ITSN1: variants seen among roughly 807,000 people sequenced by gnomAD.
ITSN1 encodes the protein intersectin-1.
ITSN1 carries 58 observed loss-of-function variants against 239.8 expected under a neutral mutation model. That is an observed-to-expected ratio of 0.24 (90% confidence interval 0.20 to 0.30). ITSN1 has a LOEUF of 0.30. ITSN1 is among the 10% of genes least tolerant of loss of function. The pLI is 1.00. For missense variants in ITSN1, 1,558 were observed against 2,103.3 expected, an observed-to-expected ratio of 0.74 and a Z score of 5.07; for synonymous variants, 780 against 770.8, an observed-to-expected ratio of 1.01 and a Z score of -0.20.
At chr21:33,733,859 A>T (rs2066336657) in intron 4 of ITSN1, among the ~76,000 whole-genome samples, 1 of 152,138 alleles carries the variant, frequency 6.6e-6, no homozygotes, top group African/African-American at 2.4e-5. Context: ...TATGATCCTT[A>T]TTTTCTAAAA....
Position 33,797,250 on chromosome 21 carries a change from A to G in ITSN1, c.1953-129A>G. 1 of 719,654 alleles carries G rather than the reference A, an allele frequency of 1.4e-6. No homozygotes were observed. The highest frequency in any genetic ancestry group is 2.4e-6 in the Non-Finnish European group (1 of 417,714). 44.6% of individuals were successfully genotyped at this position (719,654 alleles called of 1,614,324 possible). A position where few individuals can be genotyped will look rare whatever the true frequency, so the allele number is the denominator to read the frequency against. On this transcript the variant is annotated intron_variant, in intron 17 of 39. Transcript: ENST00000381318. This position sits in a 1 kb window ranked among gnomAD's most constrained non-coding sequence, Gnocchi z 4.9. Reference sequence around the variant, plus strand: ...ACTGGAGCCCTGATTCAGTTGCCCCATCTGAACAACAATGTTCCCTTGATG... The same window carrying G: ...ACTGGAGCCCTGATTCAGTTGCCCCGTCTGAACAACAATGTTCCCTTGATG...
Position 33,882,156 on chromosome 21 carries a change from G to T in ITSN1, c.4342-87G>T. 8.7e-7 allele frequency: 1 copy of T among 1,149,392 alleles called. No individual in the cohort carries two copies. Among genetic ancestry groups the T allele is most frequent in the Non-Finnish European group, 1.3e-6 (1 of 798,896 alleles). The allele number at this position is 1,149,392 out of a possible 1,614,324, so 71.2% of individuals were successfully genotyped here. ...TTGCCTGAGATCCGAGTCTGCTGGG[G>T]CCTGGCCTCTGATTCTGATGGAGCC... On this transcript the variant is annotated intron_variant, in intron 34 of 39. Transcript: ENST00000381318. This position sits in a 1 kb window ranked among gnomAD's most constrained non-coding sequence, Gnocchi z 4.5.
intron 20 of ITSN1, among the ~76,000 whole-genome samples, chr21:33,805,090 G>T (rs1368509637): frequency 6.6e-6 from 1 of 152,178 alleles, no homozygotes; most frequent in Non-Finnish European, 1.5e-5. Flanking sequence ...GAACTCTACT[G>T]CATATACAGC....
In ITSN1 at chr21:33,867,409, C is replaced by T. The variant is rs540820853; in HGVS notation, c.4173+78C>T. On this transcript the variant is annotated intron_variant, in intron 33 of 39. Transcript: ENST00000381318. The stretch of plus-strand genomic sequence containing the variant: ...GAGGGCTGGGGTCATGGACAAGATT[C>T]CCAGTGAACATATCTGGTAACTGTT... 1.1e-4 allele frequency: 94 copies of T among 819,546 alleles called. No individual in the cohort carries two copies. In the African/African-American group the frequency reaches 1.2e-3, roughly 11 times the overall value. 50.8% of individuals were successfully genotyped at this position (819,546 alleles called of 1,614,324 possible).
rs2300379 is a variant in ITSN1 at position 33,787,865 on chromosome 21, A to G, written c.1824+5732A>G. On this transcript the variant is annotated intron_variant, in intron 16 of 39. Transcript: ENST00000381318. ...CTGTTCAAGCTAAAATTTTATTTTT[A>G]CCTATATGATCCTTTGGAAAAGACC... 7.6e-3 allele frequency among the ~76,000 whole-genome samples: 1,162 copies of G among 152,308 alleles called. 13 individuals are homozygous for G. Among genetic ancestry groups the G allele is most frequent in the East Asian group, 0.028 (145 of 5,188 alleles).
At chr21:33,799,405 T>C (rs902221197) in intron 18 of ITSN1, among the ~76,000 whole-genome samples, 1 of 152,176 alleles carries the variant, frequency 6.6e-6, no homozygotes, top group African/African-American at 2.4e-5. Flanking sequence ...GTTGACTCCT[T>C]GGCTGATTCA....
intron 1 of ITSN1, among the ~76,000 whole-genome samples, chr21:33,652,923 C>T (rs1024024740): frequency 2.0e-5 from 3 of 151,522 alleles, no homozygotes; most frequent in African/African-American, 4.9e-5. Flanking sequence ...TTGTAGGCAT[C>T]GTTCCCCAAA....
chr21:33,853,160 C>T (rs897658547), intron 29 of ITSN1, among the ~76,000 whole-genome samples: 7 of 152,172 alleles, frequency 4.6e-5, no homozygotes, highest in Non-Finnish European at 1.0e-4. Flanking sequence ...AGACTCTCCC[C>T]ACAAAACTTT....
chr21:33,779,960 T>C (rs1401494910), intron 14 of ITSN1, among the ~76,000 whole-genome samples: 1 of 152,168 alleles, frequency 6.6e-6, no homozygotes. Flanking sequence ...GCCTCCCCGG[T>C]AGCAGGGATT....
At chr21:33,747,169 C>T (rs995597609) in intron 5 of ITSN1, among the ~76,000 whole-genome samples, 1 of 151,960 alleles carries the variant, frequency 6.6e-6, no homozygotes, top group Non-Finnish European at 1.5e-5. Context: ...AAAAACAAAA[C>T]CTGAAAAGTT....
rs1985126523 is a variant in ITSN1, at chr21:33,882,705, C to T, written c.4554+250C>T. Among the ~76,000 whole-genome samples, 2 of 152,104 alleles carry T rather than the reference C, an allele frequency of 1.3e-5. No individual in the cohort carries two copies. Among genetic ancestry groups the T allele is most frequent in the African/African-American group, 2.4e-5 (1 of 41,410 alleles). ...GCTGCTGTGGTCCCCTGGGATGTGA[C>T]AGAGGCATGCTTTAGCCTGTAGGAG... is the stretch of plus-strand genomic sequence containing the variant. On this transcript the variant is annotated intron_variant, in intron 35 of 39. Transcript: ENST00000381318. This position sits in a 1 kb window ranked among gnomAD's most constrained non-coding sequence, Gnocchi z 4.5.
At chr21:33,673,245 A>T (rs1387795457) in intron 1 of ITSN1, among the ~76,000 whole-genome samples, 2 of 152,190 alleles carry the variant, frequency 1.3e-5, no homozygotes, top group Admixed American at 6.5e-5. Flanking sequence ...CTGAGTGGTT[A>T]TCGGGGGAAG....
At chr21:33,860,836 T>C (rs557132833) in intron 31 of ITSN1, among the ~76,000 whole-genome samples, 1 of 152,318 alleles carries the variant, frequency 6.6e-6, no homozygotes, top group South Asian at 2.1e-4. Context: ...TAACTAGTTT[T>C]GGGCATTAAG....
intron 1 of ITSN1, among the ~76,000 whole-genome samples, chr21:33,711,135 C>T (rs949989615): frequency 5.3e-5 from 8 of 152,128 alleles, no homozygotes; most frequent in African/African-American, 9.7e-5. Flanking sequence ...TTCACATTCT[C>T]GTATCAATTT....
chr21:33,863,554 A>T (rs1981028354), intron 31 of ITSN1, among the ~76,000 whole-genome samples: 1 of 152,066 alleles, frequency 6.6e-6, no homozygotes, highest in African/African-American at 2.4e-5. Context: ...CACTCGGGAG[A>T]CTGAGGTGGA....
chr21:33,734,940 G>T, intron 4 of ITSN1, 104 bp from the exon 5 acceptor site: 2 of 913,730 alleles, frequency 2.2e-6, no homozygotes, highest in South Asian at 3.8e-5. Flanking sequence ...TGTCTCTAGG[G>T]GTAAGAGTGC....
chr21:33,780,846 C>CTG (rs1292721971), intron 14 of ITSN1, among the ~76,000 whole-genome samples: 1 of 152,166 alleles, frequency 6.6e-6, no homozygotes, highest in Non-Finnish European at 1.5e-5. Context: ...TCCAAACAGC[C>CTG]TGTGCAGTGT....
chr21:33,780,486 A>C (rs1005834625), intron 14 of ITSN1, among the ~76,000 whole-genome samples: 2 of 152,142 alleles, frequency 1.3e-5, no homozygotes, highest in Non-Finnish European at 2.9e-5. Flanking sequence ...TGGATTATTC[A>C]TAGGAGAAGA....
At chr21:33,711,835 C>T (rs1385665429) in intron 1 of ITSN1, among the ~76,000 whole-genome samples, 1 of 152,172 alleles carries the variant, frequency 6.6e-6, no homozygotes, top group East Asian at 1.9e-4. Context: ...ATTTATGTTA[C>T]AGTTGTCATA....
Sources: gnomAD v4.1 joint callset for allele counts (sites outside exome capture counted in the v4.1 genomes callset) on GRCh38, gnomAD v4.1.1 for gene constraint, Gnocchi (gnomAD v3.1) non-coding constraint, MANE v1.5 for transcripts, NCBI Gene and HGNC (gene_info 2026-07-23, HGNC 2026-07-21) for gene names.